Variants in SPAST observed in about 807,000 individuals in gnomAD.
SPAST encodes spastic paraplegia 4 (autosomal dominant; spastin).
SPAST carries 30 observed loss-of-function variants against 76.6 expected under a neutral mutation model. The observed-to-expected ratio is 0.39, with a 90% CI of 0.29 to 0.53. SPAST has a LOEUF of 0.53. SPAST is among the 20% of genes least tolerant of loss of function. The pLI, the probability that SPAST is intolerant of heterozygous loss-of-function variation, is 0.68. For missense variants in SPAST, 717 were observed against 770.5 expected (o/e 0.93, Z 0.82); for synonymous variants, 305 against 281.0 (o/e 1.09, Z -0.86).
chr2:32,077,548 G>A (rs1677014549), intron 1 of SPAST, among the ~76,000 whole-genome samples: 1 of 152,060 alleles, frequency 6.6e-6, no homozygotes, highest in South Asian at 2.1e-4. Context: ...TTTCAGGTAA[G>A]GAGTTTGACG....
intron 7 of SPAST, among the ~76,000 whole-genome samples, chr2:32,117,598 G>A (rs1678885548): frequency 7.0e-6 from 1 of 141,960 alleles, no homozygotes; most frequent in Non-Finnish European, 1.5e-5. Context: ...GTGGCTTGAT[G>A]TTGGCTCACT....
At chr2:32,104,425 T>C (rs1227485230) in intron 4 of SPAST, among the ~76,000 whole-genome samples, 1 of 152,232 alleles carries the variant, frequency 6.6e-6, no homozygotes, top group Non-Finnish European at 1.5e-5. Flanking sequence ...TCTGTGTCTT[T>C]TAATTGGAGC....
intron 16 of SPAST, among the ~76,000 whole-genome samples, chr2:32,150,628 G>A (rs910279153): frequency 4.0e-5 from 6 of 151,568 alleles, no homozygotes; most frequent in Admixed American, 4.0e-4. Context: ...TGTAGAGATG[G>A]GGTCTCACTA....
intron 1 of SPAST, among the ~76,000 whole-genome samples, chr2:32,075,336 G>C (rs200821276): frequency 1.3e-5 from 2 of 149,122 alleles, no homozygotes; most frequent in East Asian, 4.1e-4. Flanking sequence ...TGAGGCAGGA[G>C]AGTGGCGAGA....
In SPAST at chr2:32,064,157, C is replaced by G. The variant is rs762722729; in HGVS notation, c.326C>G (p.Pro109Arg). 9.0e-6 allele frequency: 14 copies of G among 1,555,378 alleles called. No homozygotes were observed. The highest frequency in any genetic ancestry group is 2.1e-4 in the Middle Eastern group (1 of 4,712). ...TCGGCCTCGGCCCCGGCGCCGGTGCCGGGCGGCGAGGCCGAGCGCGTCCGA... is the reference window on the plus strand; with the variant it reads ...TCGGCCTCGGCCCCGGCGCCGGTGCGGGGCGGCGAGGCCGAGCGCGTCCGA... ...PASASAPAPV[P>R]GGEAERVRVF... is the part of the protein sequence containing the mutation. The change falls in exon 1 of 17, where the codon CCG becomes CGG. Residue 109 changes from proline to arginine, a missense_variant. Transcript: ENST00000315285.
chr2:32,127,105 T>C (rs1679220788), intron 8 of SPAST, 83 bp downstream of exon 8: 4 of 932,014 alleles, frequency 4.3e-6, no homozygotes, highest in Non-Finnish European at 7.1e-6. Flanking sequence ...TGTCCTTGAG[T>C]CTATTATTTA....
At chr2:32,085,459 C>T (rs1677436801) in intron 1 of SPAST, among the ~76,000 whole-genome samples, 1 of 152,102 alleles carries the variant, frequency 6.6e-6, no homozygotes, top group Non-Finnish European at 1.5e-5. Flanking sequence ...TCAAGCAGTC[C>T]TCCTGCCTTG....
chr2:32,096,102 A>G (rs1291739370), intron 3 of SPAST, among the ~76,000 whole-genome samples: 1 of 152,224 alleles, frequency 6.6e-6, no homozygotes, highest in Non-Finnish European at 1.5e-5. Context: ...AATCTGTACA[A>G]TCCTAGTCAT....
rs2148769657 is a variant in SPAST, at chr2:32,154,845, A to T, written c.*349A>T. On this transcript the variant is annotated 3_prime_UTR_variant, in exon 17 of 17. Transcript: ENST00000315285. ...AGATGAAAGTATTCCAGGAACAGTG[A>T]ATGGTAGAAGACACAAGAACATTTG... 4.2e-6 allele frequency: 1 copy of T among 239,566 alleles called. No homozygotes were observed. Among genetic ancestry groups the T allele is most frequent in the African/African-American group, 2.3e-5 (1 of 43,736 alleles). The allele number at this position is 239,566 out of a possible 1,614,324, so 14.8% of individuals were successfully genotyped here.
intron 10 of SPAST, 38 bp from the exon 11 acceptor site, chr2:32,136,839 G>T (rs1308195293): frequency 6.7e-7 from 1 of 1,482,832 alleles, no homozygotes; most frequent in South Asian, 1.1e-5. Context: ...CACATAGCTT[G>T]GTCTTTAATT....
Position 32,115,707 on chromosome 2 carries a change from T to A in SPAST, c.876T>A (p.Thr292=). The change falls in exon 6 of 17, where the codon ACT becomes ACA. Residue 292 remains threonine (T), a synonymous_variant. Coordinates refer to ENST00000315285, the MANE Select transcript of SPAST (RefSeq NM_014946.4). Reference sequence around the variant, plus strand: ...AAAATTTTGTATCCTTTAAGGGTACTCCGAAAACAAATAGGACAAATAAAC... The same window carrying A: ...AAAATTTTGTATCCTTTAAGGGTACACCGAAAACAAATAGGACAAATAAAC... ...SGPAPTTHKG[T]PKTNRTNKPS... is the part of the protein sequence containing the mutation. 3 of 1,606,588 alleles carry A rather than the reference T, an allele frequency of 1.9e-6. No individual in the cohort carries two copies. The highest frequency in any genetic ancestry group is 2.6e-6 in the Non-Finnish European group (3 of 1,173,988).
intron 1 of SPAST, among the ~76,000 whole-genome samples, chr2:32,079,046 G>T (rs1477189729): frequency 6.6e-6 from 1 of 152,006 alleles, no homozygotes; most frequent in African/African-American, 2.4e-5. Flanking sequence ...TCACCATGTT[G>T]CCCAGGCTGA....
intron 16 of SPAST, among the ~76,000 whole-genome samples, chr2:32,149,101 T>C (rs935138527): frequency 2.2e-4 from 33 of 152,090 alleles, no homozygotes; most frequent in African/African-American, 7.7e-4. Flanking sequence ...ATTAATTTCT[T>C]TTTTTTGAGA....
At chr2:32,081,781 C>CAAAAAAAAAAAAAAAAAAAAAA (rs34078147) in intron 1 of SPAST, among the ~76,000 whole-genome samples, 8 of 44,386 alleles carry the variant, frequency 1.8e-4, no homozygotes, top group Non-Finnish European at 2.8e-4. Context: ...GAGACACTGT[C>CAAAAAAAAAAAAAAAAAAAAAA]AAAAAAAAAA....
chr2:32,099,472 AG>A (rs1678039987), intron 4 of SPAST, among the ~76,000 whole-genome samples: 1 of 152,090 alleles, frequency 6.6e-6, no homozygotes, highest in South Asian at 2.1e-4. Flanking sequence ...TTCTTTGGGT[AG>A]GGGACTCTCC....
chr2:32,063,906 G>A lies in SPAST; in HGVS notation c.75G>A (p.Pro25=), dbSNP rs926267776. Residue 25 remains proline (P), a synonymous_variant, in exon 1 of 17, where the codon CCG becomes CCA. Transcript: ENST00000315285. ...GASNPVPPRP[P]PPCLAPAPPA... ...GCAACCCGGTGCCTCCCAGGCCTCC[G>A]CCCCCTTGCCTGGCCCCCGCCCCTC... 1.3e-6 allele frequency: 2 copies of A among 1,581,624 alleles called. No homozygotes were observed. Among genetic ancestry groups the A allele is most frequent in the Admixed American group, 1.8e-5 (1 of 54,934 alleles).
At chr2:32,118,153 A>G (rs931206232) in intron 7 of SPAST, among the ~76,000 whole-genome samples, 1 of 152,222 alleles carries the variant, frequency 6.6e-6, no homozygotes. Context: ...TGTAGTGGAA[A>G]TAAGTTGTGT....
intron 1 of SPAST, among the ~76,000 whole-genome samples, chr2:32,077,386 G>C (rs934614950): frequency 1.3e-5 from 2 of 152,092 alleles, no homozygotes; most frequent in Non-Finnish European, 2.9e-5. Context: ...TTCAGGAGAA[G>C]GAGGATTTAA....
At position 32,137,206 on chromosome 2, in the gene SPAST, G is replaced by T. The variant is rs189961829; in HGVS notation, c.1493+18G>T. 3.0e-3 allele frequency: 4,560 copies of T among 1,524,872 alleles called. 16 individuals carry two copies. Among genetic ancestry groups the T allele is most frequent in the South Asian group, 4.7e-3 (417 of 89,288 alleles). The allele number at this position is 1,524,872 out of a possible 1,614,324, so 94.5% of individuals were successfully genotyped here. On this transcript the variant is annotated intron_variant, in intron 12 of 16. Coordinates refer to ENST00000315285, the MANE Select transcript of SPAST (RefSeq NM_014946.4). ...GTTCTCAGGTAGGGAGATTTATATGGAAATACATGCATTTATTACAGACAA... is the reference window on the plus strand; with the variant it reads ...GTTCTCAGGTAGGGAGATTTATATGTAAATACATGCATTTATTACAGACAA...
Sources: gnomAD v4.1 joint callset for allele counts (sites outside exome capture counted in the v4.1 genomes callset) on GRCh38, gnomAD v4.1.1 for gene constraint, MANE v1.5 for transcripts, NCBI Gene and HGNC (gene_info 2026-07-23, HGNC 2026-07-21) for gene names.